NRXN1: variants seen among roughly 807,000 people sequenced by gnomAD.
NRXN1 encodes neurexin 1.
NRXN1 carries 39 observed loss-of-function variants against 150.9 expected under a neutral mutation model. The ratio of observed to expected loss-of-function variants is 0.26; its 90% CI spans 0.20 to 0.34. NRXN1 has a LOEUF of 0.34. NRXN1 is among the 10% of genes least tolerant of loss of function. The pLI is 1.00. For synonymous variants in NRXN1, 924 were observed against 757.0 expected (o/e 1.22, Z -3.62); for missense variants, 1,815 against 1,949.9 (o/e 0.93, Z 1.30).
chr2:50,015,758 A>C (rs1381308709), intron 21 of NRXN1, among the ~76,000 whole-genome samples: 1 of 152,188 alleles, frequency 6.6e-6, no homozygotes, highest in African/African-American at 2.4e-5. Flanking sequence ...AAAGAGATTC[A>C]TAGATTAATA....
chr2:50,743,071 A>G (rs1209700241), intron 5 of NRXN1, among the ~76,000 whole-genome samples: 1 of 152,230 alleles, frequency 6.6e-6, no homozygotes, highest in African/African-American at 2.4e-5. Context: ...TGACATTTTC[A>G]CTATAGAGAG....
intron 18 of NRXN1, among the ~76,000 whole-genome samples, chr2:50,163,186 A>ATATATATATATAT (rs10671380): frequency 2.1e-5 from 3 of 143,558 alleles, no homozygotes; most frequent in Admixed American, 6.8e-5. Context: ...ATATATATAT[A>ATATATATATATAT]AAACAATACT....
chr2:50,651,179 G>A (rs1160753622), intron 5 of NRXN1, among the ~76,000 whole-genome samples: 1 of 151,868 alleles, frequency 6.6e-6, no homozygotes, highest in Non-Finnish European at 1.5e-5. Context: ...TATTTTTTCT[G>A]TAATTCTTTA....
intron 19 of NRXN1, among the ~76,000 whole-genome samples, chr2:50,074,959 G>A (rs10469915): frequency 0.6 from 91,933 of 151,962 alleles, 28,067 homozygotes; most frequent in Middle Eastern, 0.66. Flanking sequence ...TACATACAAC[G>A]GTAAAGTTCA....
At chr2:50,652,885 G>C (rs1361520126) in intron 5 of NRXN1, among the ~76,000 whole-genome samples, 1 of 152,054 alleles carries the variant, frequency 6.6e-6, no homozygotes, top group Non-Finnish European at 1.5e-5. Flanking sequence ...CATCCTAGCT[G>C]GCGTGAAGTG....
intron 17 of NRXN1, among the ~76,000 whole-genome samples, chr2:50,398,776 T>C (rs2082209567): frequency 6.6e-6 from 1 of 152,126 alleles, no homozygotes; most frequent in Admixed American, 6.6e-5. Flanking sequence ...TCCTCATGTG[T>C]TTTCTATTGT....
At chr2:50,651,870 C>G (rs753819157) in intron 5 of NRXN1, among the ~76,000 whole-genome samples, 1 of 151,884 alleles carries the variant, frequency 6.6e-6, no homozygotes, top group Non-Finnish European at 1.5e-5. Context: ...AATAGTCTAC[C>G]CAGAGTTGCA....
intron 17 of NRXN1, among the ~76,000 whole-genome samples, chr2:50,338,668 T>C (rs1203213343): frequency 6.6e-6 from 1 of 151,756 alleles, no homozygotes; most frequent in Non-Finnish European, 1.5e-5. Context: ...AACCACATAC[T>C]TCTTTCAAAT....
intron 21 of NRXN1, among the ~76,000 whole-genome samples, chr2:49,960,182 T>C (rs1024596245): frequency 9.8e-5 from 15 of 152,328 alleles, no homozygotes; most frequent in Middle Eastern, 3.4e-3. Flanking sequence ...ATGAGTTTCA[T>C]CTTAGCTTTC....
chr2:50,343,196 T>C (rs2077678361), intron 17 of NRXN1, among the ~76,000 whole-genome samples: 1 of 152,218 alleles, frequency 6.6e-6, no homozygotes, highest in South Asian at 2.1e-4. Context: ...GGCTTTCTCC[T>C]TCCTTTATCT....
chr2:49,964,475 G>C (rs937764597), intron 21 of NRXN1, among the ~76,000 whole-genome samples: 2 of 151,916 alleles, frequency 1.3e-5, no homozygotes, highest in Non-Finnish European at 2.9e-5. Flanking sequence ...AGCTACTCGG[G>C]AGGCTGAGGC....
intron 17 of NRXN1, among the ~76,000 whole-genome samples, chr2:50,260,711 A>C (rs948368163): frequency 6.8e-6 from 1 of 148,132 alleles, no homozygotes; most frequent in African/African-American, 2.5e-5. Flanking sequence ...GTAGAAATGA[A>C]ATTTCTGAAA....
chr2:50,606,675 G>C (rs1677182549), intron 8 of NRXN1, among the ~76,000 whole-genome samples: 1 of 151,556 alleles, frequency 6.6e-6, no homozygotes, highest in Admixed American at 6.6e-5. Context: ...CATTTGGCTA[G>C]ATGACATAGT....
chr2:50,734,971 C>G (rs182754798), intron 5 of NRXN1, among the ~76,000 whole-genome samples: 1 of 152,130 alleles, frequency 6.6e-6, no homozygotes, highest in Non-Finnish European at 1.5e-5. Context: ...CTACAATATA[C>G]CTGTTCAAAT....
chr2:50,219,547 C>G (rs537641555), intron 18 of NRXN1, among the ~76,000 whole-genome samples: 8 of 151,756 alleles, frequency 5.3e-5, no homozygotes, highest in African/African-American at 1.9e-4. Flanking sequence ...ACTGGAATAA[C>G]AAACACATCA....
At chr2:50,369,025 G>T (rs1199827519) in intron 17 of NRXN1, among the ~76,000 whole-genome samples, 1 of 151,924 alleles carries the variant, frequency 6.6e-6, no homozygotes, top group Non-Finnish European at 1.5e-5. Context: ...GGAAGGGAAG[G>T]AGCAAAACAT....
intron 5 of NRXN1, among the ~76,000 whole-genome samples, chr2:50,725,808 T>G (rs1697287168): frequency 6.6e-6 from 1 of 152,162 alleles, no homozygotes; most frequent in South Asian, 2.1e-4. Flanking sequence ...TACAGAAATC[T>G]CAGAAATCAA....
At chr2:50,240,965 A>AT (rs1185844375) in intron 17 of NRXN1, among the ~76,000 whole-genome samples, 4 of 151,698 alleles carry the variant, frequency 2.6e-5, no homozygotes, top group African/African-American at 9.7e-5. Flanking sequence ...AAAGTTGGAC[A>AT]TATTTCAAAG....
intron 21 of NRXN1, among the ~76,000 whole-genome samples, chr2:49,957,009 T>A (rs1004681882): frequency 1.3e-5 from 2 of 151,982 alleles, no homozygotes; most frequent in African/African-American, 4.8e-5. Flanking sequence ...CTGATGAAAT[T>A]GAGATAGATG....
Sources: allele counts gnomAD v4.1 joint callset (sites outside exome capture counted in the v4.1 genomes callset), GRCh38; gene constraint gnomAD v4.1.1; transcripts MANE v1.5; gene names NCBI Gene and HGNC (gene_info 2026-07-23, HGNC 2026-07-21).